DMXL1: variants seen among roughly 807,000 people sequenced by gnomAD.
DMXL1 encodes the protein Dmx like 1.
Under a neutral mutation model 319.2 loss-of-function variants are expected in DMXL1, and 99 were observed. That is an observed-to-expected ratio of 0.31 (90% CI 0.26 to 0.37). The LOEUF (loss-of-function observed/expected upper bound fraction) is 0.37, where lower values mean the gene tolerates loss of function less well. Among genes scored for constraint, DMXL1 ranks in the 10% least tolerant of loss-of-function variants. DMXL1 has a pLI of 1.00. For missense variants in DMXL1, 3,745 were observed against 3,595.6 expected, an observed-to-expected ratio of 1.04 and a Z score of -1.06; for synonymous variants, 1,385 against 1,235.2, an observed-to-expected ratio of 1.12 and a Z score of -2.54.
intron 38 of DMXL1, among the ~76,000 whole-genome samples, chr5:119,228,361 C>T (rs1464323702): frequency 1.3e-5 from 2 of 152,102 alleles, no homozygotes; most frequent in African/African-American, 2.4e-5. Context: ...ATGGCCATGA[C>T]TAAAGATCAA....
intron 9 of DMXL1, chr5:119,128,108 A>G (rs767180218): frequency 2.4e-4 from 118 of 493,182 alleles, no homozygotes; most frequent in African/African-American, 5.3e-4. Flanking sequence ...AGTCTAAATC[A>G]TGGGATATCA....
chr5:119,164,634 G>C lies in DMXL1; in HGVS notation c.4830G>C (p.Trp1610Cys). 1 of 1,612,986 alleles carries C rather than the reference G, an allele frequency of 6.2e-7. No individual in the cohort carries two copies. Among genetic ancestry groups the C allele is most frequent in the Non-Finnish European group, 8.5e-7 (1 of 1,179,264 alleles). The change falls in exon 20 of 44, where the codon TGG (tryptophan) becomes TGC (cysteine). Residue 1610 changes from tryptophan (W) to cysteine (C), a missense_variant. By Grantham distance (215) the Trp-to-Cys change is radical. Around this residue, in one of 4 missense-constraint regions of DMXL1, gnomAD observed 2,096 missense variants for 1,985.4 expected, o/e 1.06. Transcript: ENST00000539542. ...AACTAAGAGCTATGGGTGTGGGGTG[G>C]TGGGTCCGGAATACCCGCATCTTAC... ...WSELRAMGVG[W>C]WVRNTRILRK...
chr5:119,231,545 T>C (rs1270313213), intron 38 of DMXL1, among the ~76,000 whole-genome samples: 1 of 152,206 alleles, frequency 6.6e-6, no homozygotes, highest in African/African-American at 2.4e-5. Context: ...TGGTTACTTG[T>C]TGCTCCTGGA....
At chr5:119,189,672 T>C (rs778873193) in intron 28 of DMXL1, 36 bp from the exon 29 acceptor site, 7 of 1,592,562 alleles carry the variant, frequency 4.4e-6, no homozygotes, top group South Asian at 3.3e-5. Flanking sequence ...GCAATGAAAA[T>C]AGTACTTCAG....
rs1383078200 is a variant in DMXL1, at chr5:119,206,882, C to G, written c.7912C>G (p.Pro2638Ala). The change falls in exon 34 of 44, where the codon CCA becomes GCA. Residue 2638 changes from proline (P) to alanine (A), a missense_variant. This residue lies in a region of DMXL1 where 1,382 missense variants were observed against 1,269.5 expected (regional missense o/e 1.09). Coordinates refer to ENST00000539542, the MANE Select transcript of DMXL1 (RefSeq NM_001290321.3). ...ETIKNSMMEE[P>A]NINKIEADLG... ...CATCAAAAATTCTATGATGGAGGAG[C>G]CAAACATCAATAAGGTACAAAATAT... 1 of 1,523,282 alleles carries G rather than the reference C, an allele frequency of 6.6e-7. No homozygotes were observed. Among genetic ancestry groups the G allele is most frequent in the Admixed American group, 2.0e-5 (1 of 50,364 alleles). 94.4% of individuals were successfully genotyped at this position (1,523,282 alleles called of 1,614,324 possible). A position where few individuals can be genotyped will look rare whatever the true frequency, so the allele number is the denominator to read the frequency against.
chr5:119,123,295 AAG>A (rs1426982686), intron 9 of DMXL1, among the ~76,000 whole-genome samples: 1 of 141,832 alleles, frequency 7.1e-6, no homozygotes, highest in African/African-American at 2.6e-5. Flanking sequence ...AGAGCGTGGA[AAG>A]AGGGAGAGGG....
chr5:119,121,827 A>T (rs1384991037), intron 9 of DMXL1, among the ~76,000 whole-genome samples: 1 of 151,768 alleles, frequency 6.6e-6, no homozygotes, highest in African/African-American at 2.4e-5. Flanking sequence ...GTGGCCGGGC[A>T]GAGGGGCTCC....
intron 17 of DMXL1, among the ~76,000 whole-genome samples, chr5:119,148,511 C>T (rs1015250070): frequency 6.6e-6 from 1 of 151,954 alleles, no homozygotes; most frequent in Non-Finnish European, 1.5e-5. Context: ...TTTTATATAC[C>T]TTTCTGATGT....
intron 7 of DMXL1, among the ~76,000 whole-genome samples, chr5:119,117,955 G>T (rs1371223021): frequency 1.3e-5 from 2 of 152,152 alleles, no homozygotes. Flanking sequence ...ATGTATGCTG[G>T]AACAAGTTAC....
chr5:119,114,398 AT>A, intron 5 of DMXL1, 76 bp from the exon 6 acceptor site: 4 of 1,048,314 alleles, frequency 3.8e-6, no homozygotes, highest in Non-Finnish European at 5.7e-6. Context: ...CCAATTGCTG[AT>A]TTATAATTTT....
chr5:119,183,312 T>C (rs1777103614), intron 28 of DMXL1, among the ~76,000 whole-genome samples: 1 of 152,142 alleles, frequency 6.6e-6, no homozygotes, highest in African/African-American at 2.4e-5. Context: ...AACAGCAAAA[T>C]ATCTTGACCA....
rs1561721669 is a variant in DMXL1, at chr5:119,148,869, T to C, written c.3042T>C (p.Asn1014=). The C allele has an allele frequency of 6.2e-7, 1 of 1,613,834 alleles. No individual in the cohort carries two copies. The highest frequency in any genetic ancestry group is 8.5e-7 in the Non-Finnish European group (1 of 1,179,820). ...VTDGESATSK[N]GKIDLAYIWE... ...ATGGAGAATCTGCCACGTCAAAGAA[T>C]GGAAAAATTGATCTTGCATACATTT... Residue 1014 remains asparagine (N), a synonymous_variant, in exon 18 of 44, where the codon AAT becomes AAC. Coordinates refer to ENST00000539542, the MANE Select transcript of DMXL1 (RefSeq NM_001290321.3).
rs1190667998 is a variant in DMXL1 at position 119,129,454 on chromosome 5, G to C, written c.1315+31G>C. The C allele has an allele frequency of 2.0e-6, 3 of 1,519,558 alleles. No homozygotes were observed. In the East Asian group the frequency reaches 6.8e-5, roughly 35 times the overall value. The allele number at this position is 1,519,558 out of a possible 1,614,324, so 94.1% of individuals were successfully genotyped here. On this transcript the variant is annotated intron_variant, in intron 10 of 43. Coordinates refer to ENST00000539542, the MANE Select transcript of DMXL1 (RefSeq NM_001290321.3). ...CTTTAAGAGGAAAGGAAAATTTAAA[G>C]TTTTGCTCAAAATAGCAAACATTTT...
intron 29 of DMXL1, among the ~76,000 whole-genome samples, chr5:119,193,042 G>A (rs76812885): frequency 0.03 from 4,606 of 152,082 alleles, 215 homozygotes; most frequent in African/African-American, 0.1. Flanking sequence ...AACCACCTAT[G>A]TCCAACCTGC....
chr5:119,091,405 T>C (rs1245012517), intron 1 of DMXL1, among the ~76,000 whole-genome samples: 1 of 152,188 alleles, frequency 6.6e-6, no homozygotes, highest in East Asian at 1.9e-4. Flanking sequence ...TAGAGGCAAG[T>C]CTTGCTGTGC....
rs149267230 is a variant in DMXL1, at chr5:119,248,841, A to G, written c.*1622A>G. 39 of 152,614 alleles carry G rather than the reference A, an allele frequency of 2.6e-4. No individual in the cohort carries two copies. Among genetic ancestry groups the G allele is most frequent in the African/African-American group, 8.7e-4 (36 of 41,570 alleles). 9.5% of individuals were successfully genotyped at this position (152,614 alleles called of 1,614,324 possible). The stretch of plus-strand genomic sequence containing the variant: ...AATCGTGCAATAACCATATGCGACT[A>G]TTTTGCCATGGAGAAATCTGACAGC... On this transcript the variant is annotated 3_prime_UTR_variant, in exon 44 of 44. Coordinates refer to ENST00000539542, the MANE Select transcript of DMXL1 (RefSeq NM_001290321.3).
intron 10 of DMXL1, 100 bp from the exon 11 acceptor site, chr5:119,133,032 G>A (rs1159368272): frequency 7.5e-7 from 1 of 1,328,370 alleles, no homozygotes; most frequent in East Asian, 2.4e-5. Flanking sequence ...CCTTAGGCAT[G>A]AGATCTCCAT....
chr5:119,220,505 C>A lies in DMXL1; in HGVS notation c.8047C>A (p.His2683Asn). Reference protein sequence around the residue: ...NRNCIAIASSHDVQELDVSGI... With the variant: ...NRNCIAIASSNDVQELDVSGI... ...AAACTGCATAGCAATCGCTTCCAGT[C>A]ATGATGTTCAAGAACTGGATGTTTC... is the stretch of plus-strand genomic sequence containing the variant. The change falls in exon 36 of 44, where the codon CAT (histidine) becomes AAT (asparagine). Residue 2683 changes from histidine to asparagine, a missense_variant. By Grantham distance (68) the His-to-Asn change is moderately conservative (BLOSUM62 1). Coordinates refer to ENST00000539542, the MANE Select transcript of DMXL1 (RefSeq NM_001290321.3). 6.2e-7 allele frequency: 1 copy of A among 1,613,582 alleles called. No individual in the cohort carries two copies. Among genetic ancestry groups the A allele is most frequent in the South Asian group, 1.1e-5 (1 of 91,034 alleles).
chr5:119,219,471 T>TA (rs1206369973), intron 35 of DMXL1, among the ~76,000 whole-genome samples: 2 of 152,184 alleles, frequency 1.3e-5, no homozygotes, highest in East Asian at 3.8e-4. Flanking sequence ...TAGTTTGTGT[T>TA]AAAATCTAAC....
Sources: gnomAD v4.1 joint callset for allele counts (sites outside exome capture counted in the v4.1 genomes callset) on GRCh38, gnomAD v4.1.1 for gene constraint, gnomAD v4.1.1 regional missense constraint, MANE v1.5 for transcripts, NCBI Gene and HGNC (gene_info 2026-07-23, HGNC 2026-07-21) for gene names.